ASXL2: variants seen among roughly 807,000 people sequenced by gnomAD.
The protein encoded by ASXL2 is putative Polycomb group protein ASXL2.
Under a neutral mutation model 122.0 loss-of-function variants are expected in ASXL2, and 23 were observed. That is an observed-to-expected ratio of 0.19 (90% CI 0.14 to 0.27). The LOEUF is 0.27. Among genes scored for constraint, ASXL2 ranks in the 10% least tolerant of loss-of-function variants. ASXL2 has a pLI of 1.00. For missense variants in ASXL2, 1,518 were observed against 1,713.8 expected, an observed-to-expected ratio of 0.89 and a Z score of 2.02; for synonymous variants, 650 against 637.0, an observed-to-expected ratio of 1.02 and a Z score of -0.31.
chr2:25,781,203 G>A (rs1339810134), intron 5 of ASXL2, among the ~76,000 whole-genome samples: 2 of 151,886 alleles, frequency 1.3e-5, no homozygotes, highest in Non-Finnish European at 2.9e-5. Flanking sequence ...ATCTTTTTGG[G>A]TATTGAGTTG....
At chr2:25,858,599 T>C (rs1314042339) in intron 1 of ASXL2, among the ~76,000 whole-genome samples, 1 of 151,194 alleles carries the variant, frequency 6.6e-6, no homozygotes. Flanking sequence ...AGTACATACC[T>C]GTACTCCCAG....
chr2:25,749,125 T>A (rs1402465106), intron 12 of ASXL2, among the ~76,000 whole-genome samples: 1 of 152,186 alleles, frequency 6.6e-6, no homozygotes, highest in African/African-American at 2.4e-5. Flanking sequence ...ACACCAATAG[T>A]CTCCTCATGC....
rs2088960094 is a variant in ASXL2, at chr2:25,799,322, C to T, written c.403+63G>A. 5 of 1,608,806 alleles carry T rather than the reference C, an allele frequency of 3.1e-6. 1 individual carries two copies. The highest frequency in any genetic ancestry group is 3.4e-4 in the Middle Eastern group (2 of 5,952). ...GACCTGGAGTCTGGGAAAAGAGGAA[C>T]TACTAACAAGGGCATTTGTCCTACA... On this transcript the variant is annotated intron_variant, in intron 5 of 12. Transcript: ENST00000435504.
At position 25,741,805 on chromosome 2, in the gene ASXL2, GTCACAAAT is replaced by G. The variant is rs1421189093; in HGVS notation, c.*216_*223del. 9 of 497,866 alleles carry G rather than the reference GTCACAAAT, an allele frequency of 1.8e-5. No homozygotes were observed. Among genetic ancestry groups the G allele is most frequent in the Non-Finnish European group, 2.5e-5 (7 of 281,362 alleles). The allele number at this position is 497,866 out of a possible 1,614,324, so 30.8% of individuals were successfully genotyped here. ...TACATGATTTTGTAAGTGCAAACTT[GTCACAAAT>G]TCACAAAGTCTTGCTTGACTTAGAC... On this transcript the variant is annotated 3_prime_UTR_variant, in exon 13 of 13. Coordinates refer to ENST00000435504, the MANE Select transcript of ASXL2 (RefSeq NM_018263.6).
intron 1 of ASXL2, among the ~76,000 whole-genome samples, chr2:25,846,813 A>T (rs2089655753): frequency 6.6e-6 from 1 of 152,226 alleles, no homozygotes; most frequent in African/African-American, 2.4e-5. Flanking sequence ...CTGTCTCAAA[A>T]ATAGAAATAA....
intron 5 of ASXL2, among the ~76,000 whole-genome samples, chr2:25,798,052 A>G (rs769575416): frequency 4.6e-5 from 7 of 152,226 alleles, no homozygotes; most frequent in Non-Finnish European, 1.0e-4. Flanking sequence ...GAAATGACCT[A>G]TTGCAAATGA....
At chr2:25,757,939 A>G (rs1019472527) in intron 9 of ASXL2, among the ~76,000 whole-genome samples, 14 of 147,898 alleles carry the variant, frequency 9.5e-5, no homozygotes, top group South Asian at 2.2e-4. Flanking sequence ...AAAAAAAAAA[A>G]AAGATGAGAG....
intron 5 of ASXL2, among the ~76,000 whole-genome samples, chr2:25,788,611 T>C (rs1313714197): frequency 6.6e-6 from 1 of 152,198 alleles, no homozygotes; most frequent in African/African-American, 2.4e-5. Flanking sequence ...GTTGGTACCA[T>C]CAGTCTTTTT....
intron 5 of ASXL2, among the ~76,000 whole-genome samples, chr2:25,795,746 TGAG>T (rs1316628484): frequency 2.6e-5 from 4 of 151,666 alleles, no homozygotes; most frequent in Admixed American, 6.6e-5. Flanking sequence ...AAGCTTAAAA[TGAG>T]GAGAATCAAC....
At chr2:25,816,281 A>G (rs2089233222) in intron 3 of ASXL2, among the ~76,000 whole-genome samples, 1 of 152,168 alleles carries the variant, frequency 6.6e-6, no homozygotes, top group Non-Finnish European at 1.5e-5. Context: ...CTTAAGCGTC[A>G]AGGATAAAGA....
rs765082526 is a variant in ASXL2 at position 25,743,522 on chromosome 2, T to A, written c.2815A>T (p.Thr939Ser). The part of the protein sequence containing the change: ...PGTSLNMNGP[T>S]LRPTSSIPAN... ...GGGATACTAGAGGTTGGTCTTAAAG[T>A]GGGTCCATTCATGTTTAAAGAAGTT... Residue 939 changes from threonine (T) to serine (S), a missense_variant, in exon 13 of 13, where the codon ACT (threonine) becomes TCT (serine). This residue lies in a region of ASXL2 where 831 missense variants were observed against 833.1 expected (regional missense o/e 1.00). Coordinates refer to ENST00000435504, the MANE Select transcript of ASXL2 (RefSeq NM_018263.6). 1.2e-6 allele frequency: 2 copies of A among 1,613,962 alleles called. No individual in the cohort carries two copies. The highest frequency in any genetic ancestry group is 2.2e-5 in the South Asian group (2 of 91,082).
Position 25,750,074 on chromosome 2 carries a change from G to T in ASXL2, c.1482C>A (p.Val494=). ...KDEDLLEQKP[V]TSAEQESEKN... Reference sequence around the variant, plus strand: ...TCTCAGATTCCTGTTCAGCAGAGGTGACTGGCTTCTGCTCCAAGAGATCCT... The same window carrying T: ...TCTCAGATTCCTGTTCAGCAGAGGTTACTGGCTTCTGCTCCAAGAGATCCT... The change falls in exon 12 of 13, where the codon GTC becomes GTA. Residue 494 remains valine, a synonymous_variant. Transcript: ENST00000435504. The T allele has an allele frequency of 1.2e-6, 2 of 1,613,926 alleles. No homozygotes were observed. Among genetic ancestry groups the T allele is most frequent in the Non-Finnish European group, 1.7e-6 (2 of 1,179,878 alleles).
At chr2:25,784,752 T>C (rs909872373) in intron 5 of ASXL2, among the ~76,000 whole-genome samples, 1 of 152,238 alleles carries the variant, frequency 6.6e-6, no homozygotes, top group Non-Finnish European at 1.5e-5. Context: ...ACCCATCTTA[T>C]AAAGACACTA....
At position 25,737,994 on chromosome 2, in the gene ASXL2, A is replaced by T. The variant is rs1033661940; in HGVS notation, c.*4035T>A. 5.9e-5 allele frequency: 9 copies of T among 152,110 alleles called. No homozygotes were observed. Among genetic ancestry groups the T allele is most frequent in the South Asian group, 2.1e-4 (1 of 4,836 alleles). The allele number at this position is 152,110 out of a possible 1,614,324, so 9.4% of individuals were successfully genotyped here. ...AAAATAGCTTGTGGTAAATAAGTCA[A>T]TTTTCTTTTAAAATAAAAAATAAAC... On this transcript the variant is annotated 3_prime_UTR_variant, in exon 13 of 13. Transcript: ENST00000435504.
At chr2:25,878,067 A>T in intron 1 of ASXL2, 99 bp downstream of exon 1, 1 of 1,502,700 alleles carries the variant, frequency 6.7e-7, no homozygotes, top group Non-Finnish European at 9.2e-7. Context: ...GTGCCCCTTC[A>T]GCCGGGTCCC....
In ASXL2 at chr2:25,756,128, T is replaced by C. The variant is rs80153183; in HGVS notation, c.940-14A>G. ...ATCTGGACCAACCTGGGTCAAAGAA[T>C]AAGCCAAGGAAAGCTTACAAAGAAA... On this transcript the variant is annotated splice_polypyrimidine_tract_variant and intron_variant, in intron 9 of 12. Transcript: ENST00000435504. 4.7e-4 allele frequency: 728 copies of C among 1,543,482 alleles called. 4 individuals carry two copies. The African/African-American group carries it at 8.9e-3, about 19-fold the overall frequency.
intron 10 of ASXL2, among the ~76,000 whole-genome samples, chr2:25,755,391 A>G (rs1404215286): frequency 6.6e-6 from 1 of 152,222 alleles, no homozygotes; most frequent in African/African-American, 2.4e-5. Context: ...TGCAGTGCCC[A>G]CACACAATCA....
chr2:25,829,132 T>C (rs71439197), intron 3 of ASXL2, among the ~76,000 whole-genome samples: 21 of 152,098 alleles, frequency 1.4e-4, no homozygotes, highest in Admixed American at 2.6e-4. Context: ...TGTGGCAGTG[T>C]ACACCTGTAA....
chr2:25,812,470 A>G (rs2089184395), intron 3 of ASXL2, among the ~76,000 whole-genome samples: 1 of 152,110 alleles, frequency 6.6e-6, no homozygotes, highest in Non-Finnish European at 1.5e-5. Context: ...CCAAATAACA[A>G]CAACAATAAC....
Sources: gnomAD v4.1 joint callset for allele counts (sites outside exome capture counted in the v4.1 genomes callset) on GRCh38, gnomAD v4.1.1 for gene constraint, gnomAD v4.1.1 regional missense constraint, MANE v1.5 for transcripts, NCBI Gene and HGNC (gene_info 2026-07-23, HGNC 2026-07-21) for gene names.